The following ERLEC1 variants were observed in gnomAD, a reference collection of about 807,000 sequenced individuals.
ERLEC1 encodes the protein endoplasmic reticulum lectin 1.
Under a neutral mutation model 68.0 loss-of-function variants are expected in ERLEC1, and 47 were observed. The ratio of observed to expected loss-of-function variants is 0.69; its 90% CI spans 0.55 to 0.88. The LOEUF is 0.88. Ranked by LOEUF, ERLEC1 falls within the 40% of genes least tolerant of loss-of-function variation. ERLEC1 has a pLI of 0.00. For synonymous variants in ERLEC1, 225 were observed against 203.2 expected, an observed-to-expected ratio of 1.11 and a Z score of -0.91; for missense variants, 567 against 583.8, an observed-to-expected ratio of 0.97 and a Z score of 0.30.
At chr2:53,807,359 A>G (rs1292211460) in intron 8 of ERLEC1, among the ~76,000 whole-genome samples, 1 of 152,072 alleles carries the variant, frequency 6.6e-6, no homozygotes, top group African/African-American at 2.4e-5. Context: ...GTCAAAGCCT[A>G]TTTGAGCCAC....
chr2:53,817,753 T>A (rs1676979164), intron 13 of ERLEC1, 145 bp from the exon 14 acceptor site: 3 of 583,344 alleles, frequency 5.1e-6, no homozygotes, highest in Non-Finnish European at 9.3e-6. Context: ...TCAAGAAGCT[T>A]AATTTGTAGA....
At position 53,801,381 on chromosome 2, in the gene ERLEC1, A is replaced by G. The variant is rs752910721; in HGVS notation, c.526-16A>G. 6.2e-7 allele frequency: 1 copy of G among 1,601,358 alleles called. No homozygotes were observed. The highest frequency in any genetic ancestry group is 1.1e-5 in the South Asian group (1 of 90,704). Reference sequence around the variant, plus strand: ...ATGTCTAATGAAAAGTCTGTCTTATACTCTTTTTTTTTAAGATTCCCACTA... The same window carrying G: ...ATGTCTAATGAAAAGTCTGTCTTATGCTCTTTTTTTTTAAGATTCCCACTA... On this transcript the variant is annotated splice_polypyrimidine_tract_variant and intron_variant, in intron 6 of 13. Coordinates refer to ENST00000185150, the MANE Select transcript of ERLEC1 (RefSeq NM_015701.5).
Position 53,787,125 on chromosome 2 carries a change from GCCT to G in ERLEC1, c.-77_-75del. 36 of 661,176 alleles carry G rather than the reference GCCT, an allele frequency of 5.4e-5. No individual in the cohort carries two copies. The highest frequency in any genetic ancestry group is 7.3e-5 in the Non-Finnish European group (33 of 453,686). The allele number at this position is 661,176 out of a possible 1,614,324, so 41.0% of individuals were successfully genotyped here. ...TACCCGGGCGCTTTATAGTCCCGCC[GCCT>G]CCTCCTCCACCTCCTCCTCCTCCTC... is the stretch of plus-strand genomic sequence containing the variant. On this transcript the variant is annotated 5_prime_UTR_variant, in exon 1 of 14. Coordinates refer to ENST00000185150, the MANE Select transcript of ERLEC1 (RefSeq NM_015701.5).
chr2:53,789,168 G>A (rs751770967), intron 1 of ERLEC1, among the ~76,000 whole-genome samples: 17 of 152,008 alleles, frequency 1.1e-4, no homozygotes, highest in East Asian at 3.9e-4. Flanking sequence ...GGCAGAGGCA[G>A]GCGGATTATG....
At chr2:53,815,794 T>C (rs1676845237) in intron 13 of ERLEC1, among the ~76,000 whole-genome samples, 1 of 152,218 alleles carries the variant, frequency 6.6e-6, no homozygotes, top group South Asian at 2.1e-4. Flanking sequence ...TATGATACTT[T>C]GTTACATCCA....
chr2:53,813,071 C>G lies in ERLEC1; in HGVS notation c.1224C>G (p.Val408=), dbSNP rs1252397721. 1.2e-6 allele frequency: 2 copies of G among 1,608,010 alleles called. No homozygotes were observed. The highest frequency in any genetic ancestry group is 1.3e-5 in the African/African-American group (1 of 74,766). The change falls in exon 11 of 14, where the codon GTC becomes GTG. Residue 408 remains valine (V), a splice_region_variant and synonymous_variant. Coordinates refer to ENST00000185150, the MANE Select transcript of ERLEC1 (RefSeq NM_015701.5). The stretch of plus-strand genomic sequence containing the variant: ...TTCAAGACGATGGTACCCAGACAGT[C>G]AGGTAAAGATTCACTTTACTTGCCT... ...YHLQDDGTQT[V]RMVSHFYGNG...
At chr2:53,805,878 T>C (rs1480282648) in intron 8 of ERLEC1, among the ~76,000 whole-genome samples, 1 of 152,214 alleles carries the variant, frequency 6.6e-6, no homozygotes, top group East Asian at 1.9e-4. Flanking sequence ...TAGTTTTGAT[T>C]TGCTTTTCTC....
intron 8 of ERLEC1, among the ~76,000 whole-genome samples, chr2:53,804,113 A>G (rs1322817392): frequency 2.0e-5 from 3 of 152,260 alleles, no homozygotes; most frequent in Non-Finnish European, 2.9e-5. Flanking sequence ...CCTGGGCGAC[A>G]AAGCGAGACT....
At chr2:53,787,617 C>T (rs756971654) in intron 1 of ERLEC1, 10 of 400,544 alleles carry the variant, frequency 2.5e-5, no homozygotes, top group African/African-American at 1.4e-4. Flanking sequence ...AATTCTGTCG[C>T]ACTAGACCTT....
At chr2:53,812,205 G>A (rs1168605553) in intron 10 of ERLEC1, among the ~76,000 whole-genome samples, 6 of 152,066 alleles carry the variant, frequency 3.9e-5, no homozygotes, top group Admixed American at 6.6e-5. Flanking sequence ...GTGAGCCTCC[G>A]CGCCCCAGCC....
intron 6 of ERLEC1, among the ~76,000 whole-genome samples, chr2:53,799,441 A>T (rs1381885232): frequency 3.3e-5 from 5 of 152,166 alleles, no homozygotes; most frequent in Admixed American, 3.3e-4. Context: ...GTAAACTATA[A>T]TGTAAATAAC....
intron 5 of ERLEC1, among the ~76,000 whole-genome samples, chr2:53,798,063 C>T (rs973577219): frequency 2.0e-5 from 3 of 151,936 alleles, no homozygotes; most frequent in Non-Finnish European, 4.4e-5. Context: ...GGCGTGGTGG[C>T]AGACGCCTGT....
intron 13 of ERLEC1, 50 bp downstream of exon 13, chr2:53,814,985 A>ATTTTTTTTCTTTTTTT: frequency 1.0e-6 from 1 of 967,258 alleles, no homozygotes; most frequent in Non-Finnish European, 1.5e-6. Context: ...CCATGTTTTA[A>ATTTTTTTTCTTTTTTT]TTTTTTTTTC....
At chr2:53,810,831 C>T (rs905759594) in intron 10 of ERLEC1, among the ~76,000 whole-genome samples, 2 of 152,044 alleles carry the variant, frequency 1.3e-5, no homozygotes, top group Non-Finnish European at 2.9e-5. Context: ...TTTATTCCTG[C>T]TACTTTGCAG....
chr2:53,801,981 T>G (rs1676030360), intron 8 of ERLEC1, 139 bp downstream of exon 8: 1 of 662,844 alleles, frequency 1.5e-6, no homozygotes, highest in Admixed American at 3.1e-5. Context: ...TCATTTCTTT[T>G]CATTGATTTT....
Position 53,814,849 on chromosome 2 carries a change from C to G in ERLEC1, c.1305-11C>G. 1 of 1,595,176 alleles carries G rather than the reference C, an allele frequency of 6.3e-7. No homozygotes were observed. The highest frequency in any genetic ancestry group is 8.6e-7 in the Non-Finnish European group (1 of 1,165,368). ...GATTTGGACAGTACCTTAAAGTGCT[C>G]TCTGTTTTAGGTGCAAAGAATCAGA... On this transcript the variant is annotated splice_polypyrimidine_tract_variant and intron_variant, in intron 12 of 13. Transcript: ENST00000185150.
intron 1 of ERLEC1, among the ~76,000 whole-genome samples, chr2:53,793,005 C>CA (rs58494548): frequency 0.31 from 39,166 of 127,562 alleles, 5,434 homozygotes; most frequent in South Asian, 0.37. Context: ...GACCCTGTCT[C>CA]AAAAAAAAAA....
At chr2:53,802,972 A>T (rs1035446165) in intron 8 of ERLEC1, among the ~76,000 whole-genome samples, 1 of 152,034 alleles carries the variant, frequency 6.6e-6, no homozygotes, top group Non-Finnish European at 1.5e-5. Flanking sequence ...ATGAACTTCT[A>T]CTTAGGCTTG....
rs1400285863 is a variant in ERLEC1 at position 53,795,927 on chromosome 2, T to C, written c.268-6T>C. On this transcript the variant is annotated splice_region_variant and splice_polypyrimidine_tract_variant and intron_variant, in intron 2 of 13. Transcript: ENST00000185150. The stretch of plus-strand genomic sequence containing the variant: ...CTGTAAGTATTAAACTCCAATTCTT[T>C]CTTAGGAAGAAGAAAAGGATTATAA... 2.4e-5 allele frequency: 38 copies of C among 1,582,114 alleles called. No individual in the cohort carries two copies. In the East Asian group the frequency reaches 8.1e-4, roughly 34 times the overall value.
Sources: gnomAD v4.1 joint callset for allele counts (sites outside exome capture counted in the v4.1 genomes callset) on GRCh38, gnomAD v4.1.1 for gene constraint, MANE v1.5 for transcripts, NCBI Gene and HGNC (gene_info 2026-07-23, HGNC 2026-07-21) for gene names.